Variants in MEI1 observed in about 807,000 individuals in gnomAD.
The protein encoded by MEI1 is meiosis inhibitor protein 1.
MEI1 carries 103 observed loss-of-function variants against 146.2 expected under a neutral mutation model. The observed-to-expected ratio is 0.70, with a 90% confidence interval of 0.60 to 0.83. The LOEUF (loss-of-function observed/expected upper bound fraction) is 0.83. Ranked by LOEUF, MEI1 falls within the 40% of genes least tolerant of loss-of-function variation. The pLI, the probability that MEI1 is intolerant of heterozygous loss-of-function variation, is 0.00. For synonymous variants in MEI1, 652 were observed against 628.2 expected, an observed-to-expected ratio of 1.04 and a Z score of -0.57; for missense variants, 1,529 against 1,533.0, an observed-to-expected ratio of 1.00 and a Z score of 0.04.
chr22:41,781,334 C>G lies in MEI1; in HGVS notation c.2866C>G (p.Pro956Ala). Reference sequence around the variant, plus strand: ...CCCCACTGACGTGGACATCCTGCAGCCCTCCTTCAACTTCCTGTATTGGAG... The same window carrying G: ...CCCCACTGACGTGGACATCCTGCAGGCCTCCTTCAACTTCCTGTATTGGAG... ...CSPTDVDILQ[P>A]SFNFLYWSLH... Residue 956 changes from proline (P) to alanine (A), a missense_variant, in exon 23 of 31, where the codon CCC becomes GCC. Coordinates refer to ENST00000401548, the MANE Select transcript of MEI1 (RefSeq NM_152513.4). 6.2e-7 allele frequency: 1 copy of G among 1,613,576 alleles called. No individual in the cohort carries two copies. Among genetic ancestry groups the G allele is most frequent in the Non-Finnish European group, 8.5e-7 (1 of 1,179,768 alleles).
At chr22:41,720,299 A>G (rs183303967) in intron 6 of MEI1, among the ~76,000 whole-genome samples, 5 of 152,308 alleles carry the variant, frequency 3.3e-5, no homozygotes, top group African/African-American at 1.2e-4. Flanking sequence ...GAGTTAGTGC[A>G]TATAGAACAA....
intron 17 of MEI1, among the ~76,000 whole-genome samples, chr22:41,755,355 C>T (rs182317088): frequency 6.6e-6 from 1 of 152,276 alleles, no homozygotes; most frequent in African/African-American, 2.4e-5. Context: ...TTATCTTTCC[C>T]AGACATCATG....
chr22:41,759,656 TAAATAA>T lies in MEI1; in HGVS notation c.2120+1135_2120+1140del, dbSNP rs1380093019. 9.1e-5 allele frequency among the ~76,000 whole-genome samples: 12 copies of T among 131,752 alleles called. No homozygotes were observed. The Admixed American group carries it at 9.3e-4, about 10-fold the overall frequency. The allele number at this position is 131,752 out of a possible 152,430, so 86.4% of individuals were successfully genotyped here. ...AAAAATAAATAAATAAATAAATAAA[TAAATAA>T]AAATAAAAATACAAAAATCAGCCGG... On this transcript the variant is annotated intron_variant, in intron 18 of 30. Coordinates refer to ENST00000401548, the MANE Select transcript of MEI1 (RefSeq NM_152513.4).
intron 18 of MEI1, among the ~76,000 whole-genome samples, chr22:41,758,908 C>G (rs2074272767): frequency 6.6e-6 from 1 of 152,086 alleles, no homozygotes. Context: ...TTTGGGAGGC[C>G]AAGGTGGGCT....
At chr22:41,793,605 A>G (rs1456264051) in intron 26 of MEI1, among the ~76,000 whole-genome samples, 1 of 152,212 alleles carries the variant, frequency 6.6e-6, no homozygotes, top group African/African-American at 2.4e-5. Context: ...CCTAGCCCAA[A>G]GCACTCTCCT....
Position 41,776,258 on chromosome 22 carries a change from C to T in MEI1, c.2701C>T (p.Pro901Ser). 6.2e-7 allele frequency: 1 copy of T among 1,613,478 alleles called. No individual in the cohort carries two copies. Among genetic ancestry groups the T allele is most frequent in the Non-Finnish European group, 8.5e-7 (1 of 1,179,784 alleles). Residue 901 changes from proline (P) to serine (S), a missense_variant, in exon 21 of 31, where the codon CCA becomes TCA. Physicochemically the swap from Pro to Ser is moderately conservative, Grantham distance 74 (BLOSUM62 -1). This residue lies in a region of MEI1 where 1,212 missense variants were observed against 1,178.9 expected (regional missense o/e 1.03). Transcript: ENST00000401548. ...QRLLVEHGAS[P>S]SGASGNLPLL... ...TCTGCTAGTGGAGCATGGGGCATCC[C>T]CATCAGGAGGTCAGTCTGCAGGTGC...
chr22:41,720,201 G>T (rs6002451), intron 6 of MEI1, among the ~76,000 whole-genome samples: 3 of 152,090 alleles, frequency 2.0e-5, no homozygotes, highest in Non-Finnish European at 4.4e-5. Flanking sequence ...CCTAAATTGG[G>T]GGGGAGAGGA....
chr22:41,760,594 T>C (rs1425474672), intron 18 of MEI1, among the ~76,000 whole-genome samples: 1 of 152,142 alleles, frequency 6.6e-6, no homozygotes, highest in Non-Finnish European at 1.5e-5. Context: ...AGACACCGAA[T>C]TGTAGAAGGA....
chr22:41,748,343 T>C, intron 15 of MEI1, 125 bp downstream of exon 15: 1 of 701,276 alleles, frequency 1.4e-6, no homozygotes, highest in Non-Finnish European at 2.5e-6. Context: ...TCTGTATCTA[T>C]TCTTTGTCCA....
At chr22:41,766,460 G>A (rs929722211) in intron 19 of MEI1, among the ~76,000 whole-genome samples, 18 of 152,088 alleles carry the variant, frequency 1.2e-4, no homozygotes, top group African/African-American at 4.1e-4. Flanking sequence ...GTGAGCCACC[G>A]TGCCTGGCTT....
At chr22:41,761,635 A>G (rs1444845298) in intron 18 of MEI1, among the ~76,000 whole-genome samples, 7 of 152,118 alleles carry the variant, frequency 4.6e-5, no homozygotes, top group Non-Finnish European at 8.8e-5. Flanking sequence ...AAAAGAAAAA[A>G]AAAATTATTA....
chr22:41,784,383 T>C lies in MEI1; in HGVS notation c.3132T>C (p.Ala1044=). ...TGGAAATGGACCAAGTATTGAAGGC[T>C]CTCAGCTTTCCAAAGAAAAAGGCTG... ...LSVEMDQVLK[A]LSFPKKKAAL... The change falls in exon 25 of 31, where the codon GCT becomes GCC. Residue 1044 remains alanine, a synonymous_variant. Transcript: ENST00000401548. The C allele has an allele frequency of 6.2e-7, 1 of 1,613,958 alleles. No homozygotes were observed. Among genetic ancestry groups the C allele is most frequent in the Non-Finnish European group, 8.5e-7 (1 of 1,179,882 alleles).
chr22:41,799,175 T>G (rs2076488253), intron 30 of MEI1, 79 bp from the exon 31 acceptor site: 4 of 1,365,886 alleles, frequency 2.9e-6, no homozygotes, highest in Non-Finnish European at 4.2e-6. Flanking sequence ...CATTCTTGAC[T>G]GTTTTGGGCT....
Position 41,794,412 on chromosome 22 carries a change from T to C in MEI1, c.3469T>C (p.Phe1157Leu), listed in dbSNP as rs1294787202. The C allele has an allele frequency of 4.3e-6, 7 of 1,613,890 alleles. No individual in the cohort carries two copies. Among genetic ancestry groups the C allele is most frequent in the Non-Finnish European group, 5.9e-6 (7 of 1,179,890 alleles). ...CCAGCCTTGGAATCGGTTTTTGCTG[T>C]TTACCCTCTTGGATGCTGGAGAGAA... ...ASQPWNRFLL[F>L]TLLDAGENSF... is the part of the protein sequence containing the mutation. The change falls in exon 28 of 31, where the codon TTT (phenylalanine) becomes CTT (leucine). Residue 1157 changes from phenylalanine (F) to leucine (L), a missense_variant. Phe to Leu is a conservative substitution (Grantham distance 22). Around this residue, in one of 3 missense-constraint regions of MEI1, gnomAD observed 313 missense variants for 337.3 expected, o/e 0.93. Coordinates refer to ENST00000401548, the MANE Select transcript of MEI1 (RefSeq NM_152513.4).
intron 20 of MEI1, among the ~76,000 whole-genome samples, chr22:41,772,475 C>A (rs907449990): frequency 2.6e-5 from 4 of 152,162 alleles, no homozygotes; most frequent in Non-Finnish European, 4.4e-5. Context: ...GCATGTGCTA[C>A]TGTGTCTGGC....
chr22:41,706,725 A>C (rs2069119679), intron 3 of MEI1, among the ~76,000 whole-genome samples: 1 of 152,004 alleles, frequency 6.6e-6, no homozygotes, highest in Non-Finnish European at 1.5e-5. Flanking sequence ...TTAAAAAAAA[A>C]AAACAAAAAT....
intron 20 of MEI1, among the ~76,000 whole-genome samples, chr22:41,775,890 G>A (rs985511842): frequency 2.0e-5 from 3 of 152,040 alleles, no homozygotes; most frequent in Non-Finnish European, 2.9e-5. Context: ...CACCATGCAC[G>A]GCCTAGGATG....
intron 17 of MEI1, 88 bp from the exon 18 acceptor site, chr22:41,758,277 G>A (rs2074228198): frequency 7.7e-7 from 1 of 1,302,214 alleles, no homozygotes; most frequent in Non-Finnish European, 1.1e-6. Flanking sequence ...GCCCTGTGCA[G>A]TACTCTGCAT....
At chr22:41,762,828 G>A (rs2074587492) in intron 18 of MEI1, among the ~76,000 whole-genome samples, 1 of 152,070 alleles carries the variant, frequency 6.6e-6, no homozygotes, top group Non-Finnish European at 1.5e-5. Flanking sequence ...ATAAATACAA[G>A]AAGAGAGGGG....
Sources: gnomAD v4.1 joint callset for allele counts (sites outside exome capture counted in the v4.1 genomes callset) on GRCh38, gnomAD v4.1.1 for gene constraint, gnomAD v4.1.1 regional missense constraint, MANE v1.5 for transcripts, NCBI Gene and HGNC (gene_info 2026-07-23, HGNC 2026-07-21) for gene names.